Variants in TRPM3 observed in about 807,000 individuals in gnomAD.
TRPM3 encodes the protein long transient receptor potential channel 3.
Under a neutral mutation model 181.2 loss-of-function variants are expected in TRPM3, and 77 were observed. The ratio of observed to expected loss-of-function variants is 0.42; its 90% CI spans 0.35 to 0.51. The LOEUF is 0.51. Among genes scored for constraint, TRPM3 ranks in the 20% least tolerant of loss-of-function variants. TRPM3 has a pLI of 0.01. For synonymous variants in TRPM3, 745 were observed against 796.4 expected (o/e 0.94, Z 1.09); for missense variants, 1,759 against 2,196.7 (o/e 0.80, Z 3.98).
chr9:70,645,871 A>C (rs191255755), intron 9 of TRPM3, among the ~76,000 whole-genome samples: 1 of 152,350 alleles, frequency 6.6e-6, no homozygotes. Flanking sequence ...TAAGGAACTT[A>C]AACAAATTTA....
chr9:71,262,250 G>T (rs2083107614), intron 1 of TRPM3, among the ~76,000 whole-genome samples: 1 of 152,160 alleles, frequency 6.6e-6, no homozygotes, highest in Non-Finnish European at 1.5e-5. Flanking sequence ...TCTGGCTATA[G>T]CTGCTTTGTG....
chr9:70,857,914 T>C (rs2095428354), intron 3 of TRPM3, among the ~76,000 whole-genome samples: 1 of 152,204 alleles, frequency 6.6e-6, no homozygotes, highest in African/African-American at 2.4e-5. Context: ...CTGCATCCAA[T>C]CTCTCAAGTG....
chr9:71,107,808 A>G (rs2134159228), intron 1 of TRPM3, among the ~76,000 whole-genome samples: 1 of 152,324 alleles, frequency 6.6e-6, no homozygotes, highest in African/African-American at 2.4e-5. Context: ...GAACTCCTTT[A>G]AACATGGTTA....
chr9:70,965,276 T>C (rs2097174086), intron 1 of TRPM3, among the ~76,000 whole-genome samples: 1 of 152,060 alleles, frequency 6.6e-6, no homozygotes, highest in Non-Finnish European at 1.5e-5. Context: ...ACTCAGTAAT[T>C]ATTGTACTTT....
At chr9:70,538,065 A>G (rs144256571) in intron 25 of TRPM3, among the ~76,000 whole-genome samples, 5 of 152,322 alleles carry the variant, frequency 3.3e-5, no homozygotes, top group African/African-American at 1.2e-4. Flanking sequence ...GATTGATCTA[A>G]TCTAATCCAA....
intron 1 of TRPM3, among the ~76,000 whole-genome samples, chr9:71,328,573 T>C (rs1045338922): frequency 3.3e-5 from 5 of 152,188 alleles, no homozygotes; most frequent in African/African-American, 1.2e-4. Context: ...GAAAAAATCC[T>C]TGGTAGAAAG....
chr9:71,016,557 C>T (rs181072975), intron 1 of TRPM3, among the ~76,000 whole-genome samples: 16 of 152,264 alleles, frequency 1.1e-4, no homozygotes, highest in Admixed American at 9.2e-4. Flanking sequence ...ATAACATCTT[C>T]GAGATCCATC....
At chr9:71,307,313 GTTTA>G (rs2087444620) in intron 1 of TRPM3, among the ~76,000 whole-genome samples, 2 of 45,268 alleles carry the variant, frequency 4.4e-5, no homozygotes, top group South Asian at 1.6e-3. Context: ...TTATTTCCCT[GTTTA>G]TTTACCAATC....
At chr9:71,256,767 AG>A (rs1250242364) in intron 1 of TRPM3, among the ~76,000 whole-genome samples, 4 of 152,170 alleles carry the variant, frequency 2.6e-5, no homozygotes. Context: ...TGATAGCAGG[AG>A]GCCCTTGCAA....
chr9:71,429,504 G>A (rs1212506435), intron 1 of TRPM3, among the ~76,000 whole-genome samples: 1 of 152,164 alleles, frequency 6.6e-6, no homozygotes, highest in Non-Finnish European at 1.5e-5. Context: ...TCCAACATGG[G>A]TAACTATCAC....
chr9:70,863,091 T>C lies in TRPM3; in HGVS notation c.279A>G (p.Ile93Met). 1 of 1,613,414 alleles carries C rather than the reference T, an allele frequency of 6.2e-7. No individual in the cohort carries two copies. The highest frequency in any genetic ancestry group is 8.5e-7 in the Non-Finnish European group (1 of 1,179,574). The change falls in exon 3 of 26, where the codon ATA becomes ATG. Residue 93 changes from isoleucine to methionine, a missense_variant. Around this residue, in one of 8 missense-constraint regions of TRPM3, gnomAD observed 737 missense variants for 957.4 expected, o/e 0.77. Coordinates refer to ENST00000677713, the MANE Select transcript of TRPM3 (RefSeq NM_001366145.2). The part of the protein sequence containing the change: ...DPHRCCCGRL[I>M]GQHVGLTPSI... ...TGGGGGTGAGGCCAACATGCTGGCC[T>C]ATCAGACGCCCACAGCAACACCTAT...
intron 1 of TRPM3, among the ~76,000 whole-genome samples, chr9:71,050,215 G>A (rs1018602891): frequency 6.6e-6 from 1 of 152,154 alleles, no homozygotes; most frequent in African/African-American, 2.4e-5. Context: ...CCATTGTTTT[G>A]TGGGTATGGA....
At chr9:71,019,233 G>A (rs1013578268) in intron 1 of TRPM3, among the ~76,000 whole-genome samples, 1 of 151,744 alleles carries the variant, frequency 6.6e-6, no homozygotes, top group Admixed American at 6.6e-5. Context: ...CACCACTTTT[G>A]TTCAATATTT....
intron 1 of TRPM3, among the ~76,000 whole-genome samples, chr9:71,207,785 T>C (rs577524307): frequency 6.6e-6 from 1 of 152,320 alleles, no homozygotes; most frequent in Admixed American, 6.5e-5. Context: ...AGATCTTCCT[T>C]GCCCTTTTGA....
intron 9 of TRPM3, among the ~76,000 whole-genome samples, chr9:70,656,588 A>G (rs1259690320): frequency 6.6e-6 from 1 of 152,254 alleles, no homozygotes; most frequent in Non-Finnish European, 1.5e-5. Flanking sequence ...TTGCAGTGGC[A>G]GTCCATAACT....
chr9:71,144,107 C>T (rs1032845), intron 1 of TRPM3, among the ~76,000 whole-genome samples: 81,735 of 152,006 alleles, frequency 0.54, 25,321 homozygotes, highest in East Asian at 0.71. Context: ...CTTAACACAA[C>T]GACTTCCTTA....
chr9:70,600,631 T>C (rs1179374205), intron 20 of TRPM3, among the ~76,000 whole-genome samples: 1 of 152,144 alleles, frequency 6.6e-6, no homozygotes, highest in East Asian at 1.9e-4. Flanking sequence ...GGTGGAGGAT[T>C]TACATGTGTA....
chr9:70,942,010 C>T (rs956708075), intron 1 of TRPM3, among the ~76,000 whole-genome samples: 5 of 152,096 alleles, frequency 3.3e-5, no homozygotes, highest in Admixed American at 3.3e-4. Context: ...TTTTTTTCCC[C>T]TCTAAAATTG....
intron 1 of TRPM3, among the ~76,000 whole-genome samples, chr9:71,157,677 T>C (rs997236455): frequency 1.3e-5 from 2 of 151,002 alleles, no homozygotes; most frequent in East Asian, 3.9e-4. Context: ...CCTTTGGTAG[T>C]TCAATAATGT....
Sources: gnomAD v4.1 joint callset for allele counts (sites outside exome capture counted in the v4.1 genomes callset) on GRCh38, gnomAD v4.1.1 for gene constraint, gnomAD v4.1.1 regional missense constraint, MANE v1.5 for transcripts, NCBI Gene and HGNC (gene_info 2026-07-23, HGNC 2026-07-21) for gene names.